The following GBP6 variants were observed in gnomAD, a reference collection of about 807,000 sequenced individuals.
GBP6 encodes guanylate binding protein family member 6, also known as guanylate-binding protein 6.
In GBP6, 54 loss-of-function variants were observed where a neutral mutation model predicts 61.5. The ratio of observed to expected loss-of-function variants is 0.88; its 90% CI spans 0.71 to 1.10. GBP6 has a LOEUF of 1.10. Ranked by LOEUF, GBP6 falls within the 50% of genes least tolerant of loss-of-function variation. The pLI is 0.00. For missense variants in GBP6, 748 were observed against 752.8 expected, an observed-to-expected ratio of 0.99 and a Z score of 0.07; for synonymous variants, 255 against 273.7, an observed-to-expected ratio of 0.93 and a Z score of 0.67.
At chr1:89,366,764 G>A (rs1239344392) in intron 1 of GBP6, among the ~76,000 whole-genome samples, 3 of 152,084 alleles carry the variant, frequency 2.0e-5, no homozygotes, top group Non-Finnish European at 4.4e-5. Context: ...TAGTTGTGCA[G>A]CTATCTCCAG....
At position 89,386,549 on chromosome 1, in the gene GBP6, A is replaced by G. The variant is rs931534172; in HGVS notation, c.*1080A>G. The G allele has an allele frequency of 2.0e-5, 3 of 152,160 alleles. No individual in the cohort carries two copies. The highest frequency in any genetic ancestry group is 4.4e-5 in the Non-Finnish European group (3 of 68,022). The allele number at this position is 152,160 out of a possible 1,614,324, so 9.4% of individuals were successfully genotyped here. Reference sequence around the variant, plus strand: ...CTAAGATCTGAGTACTAGAATGCAAAAAATTTGCATCATATTCTTGTTTTC... The same window carrying G: ...CTAAGATCTGAGTACTAGAATGCAAGAAATTTGCATCATATTCTTGTTTTC... On this transcript the variant is annotated 3_prime_UTR_variant, in exon 11 of 11. Coordinates refer to ENST00000370456, the MANE Select transcript of GBP6 (RefSeq NM_198460.3).
chr1:89,372,700 C>G (rs950295184), intron 3 of GBP6, among the ~76,000 whole-genome samples: 3 of 152,076 alleles, frequency 2.0e-5, no homozygotes, highest in South Asian at 4.2e-4. Flanking sequence ...AAGCCTAAAC[C>G]CATAAAAACT....
intron 3 of GBP6, among the ~76,000 whole-genome samples, chr1:89,374,847 G>A (rs1274175815): frequency 6.6e-6 from 1 of 152,072 alleles, no homozygotes; most frequent in Admixed American, 6.6e-5. Context: ...GGGGTTGGTT[G>A]TACAGGTTAT....
At position 89,381,584 on chromosome 1, in the gene GBP6, A is replaced by C. The variant is rs989574224; in HGVS notation, c.872-110A>C. The C allele has an allele frequency of 1.8e-4, 185 of 1,015,512 alleles. 2 individuals carry two copies. Among genetic ancestry groups the C allele is most frequent in the South Asian group, 1.7e-3 (104 of 62,170 alleles). The allele number at this position is 1,015,512 out of a possible 1,614,324, so 62.9% of individuals were successfully genotyped here. Reference sequence around the variant, plus strand: ...TAGGGATGTGGGTGTATGTGTTTGCATGTGTGCACGCGCGTGTATGTAAGT... The same window carrying C: ...TAGGGATGTGGGTGTATGTGTTTGCCTGTGTGCACGCGCGTGTATGTAAGT... On this transcript the variant is annotated intron_variant, in intron 6 of 10. Coordinates refer to ENST00000370456, the MANE Select transcript of GBP6 (RefSeq NM_198460.3).
chr1:89,368,455 T>C (rs1652525156), intron 1 of GBP6, 74 bp from the exon 2 acceptor site: 2 of 1,094,280 alleles, frequency 1.8e-6, no homozygotes, highest in Admixed American at 2.1e-5. Flanking sequence ...AGAAGTCTCA[T>C]TAGTCCTATG....
chr1:89,382,545 C>T (rs929409123), intron 7 of GBP6, 119 bp from the exon 8 acceptor site: 8 of 743,156 alleles, frequency 1.1e-5, no homozygotes, highest in Non-Finnish European at 1.9e-5. Context: ...TCCACATCTA[C>T]TCCACTAGAA....
rs1190343194 is a variant in GBP6, at chr1:89,385,285, C to T, written c.1718C>T (p.Ala573Val). The change falls in exon 11 of 11, where the codon GCA (alanine) becomes GTA (valine). Residue 573 changes from alanine (A) to valine (V), a missense_variant. By Grantham distance (64) the Ala-to-Val change is moderately conservative (BLOSUM62 0). Coordinates refer to ENST00000370456, the MANE Select transcript of GBP6 (RefSeq NM_198460.3). ...GFKKKYEEMN[A>V]EISQFKRMID... ...AAGAAGAAGTATGAGGAGATGAATG[C>T]AGAGATAAGTCAATTTAAACGTATG... 1 of 1,613,378 alleles carries T rather than the reference C, an allele frequency of 6.2e-7. No individual in the cohort carries two copies. The highest frequency in any genetic ancestry group is 1.3e-5 in the African/African-American group (1 of 74,878).
intron 3 of GBP6, among the ~76,000 whole-genome samples, chr1:89,372,487 C>A (rs1652673315): frequency 6.6e-6 from 1 of 152,142 alleles, no homozygotes; most frequent in Non-Finnish European, 1.5e-5. Flanking sequence ...TGGAACAGGA[C>A]AGAGCTCTCA....
In GBP6 at chr1:89,383,661, G is replaced by T; in HGVS notation, c.1375G>T (p.Val459Phe). The change falls in exon 9 of 11, where the codon GTC becomes TTC. Residue 459 changes from valine to phenylalanine, a missense_variant. Physicochemically the swap from Val to Phe is conservative, Grantham distance 50 (BLOSUM62 -1). Coordinates refer to ENST00000370456, the MANE Select transcript of GBP6 (RefSeq NM_198460.3). ...TTTCTTCCTTCCATAGGCAAAAGAG[G>T]TCTTCCAGAGGTTCCTGGAGTCACA... is the stretch of plus-strand genomic sequence containing the variant. ...VPRKGVKAKE[V>F]FQRFLESQMV... 1 of 1,606,018 alleles carries T rather than the reference G, an allele frequency of 6.2e-7. No homozygotes were observed. The highest frequency in any genetic ancestry group is 8.5e-7 in the Non-Finnish European group (1 of 1,177,512).
intron 8 of GBP6, 58 bp from the exon 9 acceptor site, chr1:89,383,594 C>A: frequency 8.1e-7 from 1 of 1,227,956 alleles, no homozygotes; most frequent in Non-Finnish European, 1.2e-6. Context: ...TCTTGCAACA[C>A]TAATACCCAG....
chr1:89,374,480 T>TATTTTTA (rs1652747450), intron 3 of GBP6, among the ~76,000 whole-genome samples: 1 of 152,214 alleles, frequency 6.6e-6, no homozygotes, highest in African/African-American at 2.4e-5. Context: ...ATGGTAGTTC[T>TATTTTTA]ATTTTTAATT....
At chr1:89,384,015 G>T in intron 9 of GBP6, 78 bp from the exon 10 acceptor site, 1 of 1,374,006 alleles carries the variant, frequency 7.3e-7, no homozygotes, top group Non-Finnish European at 9.8e-7. Flanking sequence ...TTCAGATTTG[G>T]TTTAGTCTCA....
intron 3 of GBP6, among the ~76,000 whole-genome samples, chr1:89,370,834 G>A (rs1252826891): frequency 6.6e-6 from 1 of 151,768 alleles, no homozygotes; most frequent in South Asian, 2.1e-4. Context: ...TTATTTTTTG[G>A]TGTGGTAAGA....
At chr1:89,381,057 C>A (rs112600573) in intron 6 of GBP6, among the ~76,000 whole-genome samples, 6 of 151,786 alleles carry the variant, frequency 4.0e-5, no homozygotes, top group African/African-American at 1.5e-4. Flanking sequence ...GGCAGAGGCA[C>A]GCAGATCGCT....
Position 89,380,550 on chromosome 1 carries a change from C to G in GBP6, c.790C>G (p.Gln264Glu). 6.2e-7 allele frequency: 1 copy of G among 1,614,010 alleles called. No homozygotes were observed. Among genetic ancestry groups the G allele is most frequent in the Non-Finnish European group, 8.5e-7 (1 of 1,179,916 alleles). The change falls in exon 6 of 11, where the codon CAA (glutamine) becomes GAA (glutamate). Residue 264 changes from glutamine to glutamate, a missense_variant. Transcript: ENST00000370456. ...GCAACTGGATCCCAAATTCCAGGAA[C>G]AAACAAACATTTTCTGTTCTTACAT... ...EKQLDPKFQE[Q>E]TNIFCSYIFT...
intron 10 of GBP6, 104 bp downstream of exon 10, chr1:89,384,390 AT>A (rs1653078033): frequency 1.1e-6 from 1 of 870,522 alleles, no homozygotes; most frequent in East Asian, 2.7e-5. Context: ...GCACATCACC[AT>A]TTGCTGCTTG....
At chr1:89,366,656 C>T (rs1212322174) in intron 1 of GBP6, among the ~76,000 whole-genome samples, 7 of 151,998 alleles carry the variant, frequency 4.6e-5, no homozygotes, top group Admixed American at 2.0e-4. Flanking sequence ...ATAGGTTGCC[C>T]GATTATCCAG....
rs766360544 is a variant in GBP6, at chr1:89,382,838, G to A, written c.1327G>A (p.Glu443Lys). The A allele has an allele frequency of 6.8e-6, 11 of 1,614,036 alleles. No individual in the cohort carries two copies. The Middle Eastern group carries it at 1.8e-3, about 266-fold the overall frequency. ...KLYMETKERI[E>K]QDYWQVPRKG... Reference sequence around the variant, plus strand: ...CTACATGGAAACAAAGGAAAGGATTGAACAGGACTATTGGCAAGTTCCCAG... The same window carrying A: ...CTACATGGAAACAAAGGAAAGGATTAAACAGGACTATTGGCAAGTTCCCAG... The change falls in exon 8 of 11, where the codon GAA becomes AAA. Residue 443 changes from glutamate to lysine, a missense_variant. Transcript: ENST00000370456.
In GBP6 at chr1:89,381,899, TGA is replaced by T; in HGVS notation, c.1081_1082del (p.Arg361GlyfsTer14). On this transcript the variant is annotated frameshift_variant, in exon 7 of 11. Coordinates refer to ENST00000370456, the MANE Select transcript of GBP6 (RefSeq NM_198460.3). LOFTEE classifies it high-confidence loss of function. ...AGCTGCTGGACATGCATGCGGCCTGTGAGAGGGAAGCCATTGCAATCTTCATG... is the reference window on the plus strand; with the variant it reads ...AGCTGCTGGACATGCATGCGGCCTGTGAGGGAAGCCATTGCAATCTTCATG... ...QELLDMHAAC[E>X]REAIAIFMEH... 1 of 1,614,050 alleles carries T rather than the reference TGA, an allele frequency of 6.2e-7. No individual in the cohort carries two copies. Among genetic ancestry groups the T allele is most frequent in the South Asian group, 1.1e-5 (1 of 91,082 alleles).
Sources: allele counts gnomAD v4.1 joint callset (sites outside exome capture counted in the v4.1 genomes callset), GRCh38; gene constraint gnomAD v4.1.1; transcripts MANE v1.5; gene names NCBI Gene and HGNC (gene_info 2026-07-23, HGNC 2026-07-21).